The following USP43 variants were observed in gnomAD, a reference collection of about 807,000 sequenced individuals.
USP43 encodes ubiquitin specific peptidase 43.
A neutral mutation model predicts 90.7 loss-of-function variants in USP43; 33 were observed. The ratio of observed to expected loss-of-function variants is 0.36; its 90% CI spans 0.28 to 0.49. The LOEUF (loss-of-function observed/expected upper bound fraction) is 0.49. Among genes scored for constraint, USP43 ranks in the 20% least tolerant of loss-of-function variants. The pLI is 0.98. For synonymous variants in USP43, 598 were observed against 615.8 expected (o/e 0.97, Z 0.43); for missense variants, 1,274 against 1,476.4 (o/e 0.86, Z 2.25).
intron 6 of USP43, among the ~76,000 whole-genome samples, chr17:9,681,039 T>C: frequency 7.6e-6 from 1 of 131,204 alleles, no homozygotes; most frequent in East Asian, 2.2e-4. Context: ...ATCTATTACA[T>C]ATAATATATA....
chr17:9,663,186 A>T (rs779873722), intron 2 of USP43, among the ~76,000 whole-genome samples: 14 of 152,060 alleles, frequency 9.2e-5, no homozygotes, highest in Non-Finnish European at 1.9e-4. Context: ...TACTGTCATT[A>T]TCCCTTTATT....
chr17:9,662,157 G>A (rs1458073136), intron 2 of USP43, among the ~76,000 whole-genome samples: 1 of 152,094 alleles, frequency 6.6e-6, no homozygotes, highest in East Asian at 1.9e-4. Flanking sequence ...GCTTGCTTGG[G>A]TCATGGGCCT....
rs956184085 is a variant in USP43, at chr17:9,701,896, G to A, written c.2011+196G>A. ...AAGGACCTGCCCTGTAGGAGCTGGT[G>A]GGGGAGAGAGAATTCCAGTAAAATA... On this transcript the variant is annotated intron_variant, in intron 12 of 14. Transcript: ENST00000285199. This position sits in a 1 kb window ranked among gnomAD's most constrained non-coding sequence, Gnocchi z 7.2. Among the ~76,000 whole-genome samples the A allele has an allele frequency of 1.3e-5, 2 of 152,204 alleles. No individual in the cohort carries two copies. The highest frequency in any genetic ancestry group is 4.8e-5 in the African/African-American group (2 of 41,450).
intron 8 of USP43, 134 bp from the exon 9 acceptor site, chr17:9,692,993 A>G: frequency 2.7e-6 from 2 of 739,178 alleles, no homozygotes; most frequent in East Asian, 2.8e-5. Flanking sequence ...TTTGAATTCT[A>G]ATTATTACGG....
At chr17:9,680,501 G>A (rs188176008) in intron 6 of USP43, 135 bp downstream of exon 6, 19 of 1,016,042 alleles carry the variant, frequency 1.9e-5, no homozygotes, top group South Asian at 1.4e-4. Context: ...CCTGGCATTC[G>A]TTGTGTGCAG....
At chr17:9,710,665 G>A (rs544549699) in intron 13 of USP43, among the ~76,000 whole-genome samples, 29 of 151,798 alleles carry the variant, frequency 1.9e-4, no homozygotes, top group African/African-American at 6.5e-4. Flanking sequence ...CCACCACCAT[G>A]CCCAGCTAAT....
At chr17:9,658,652 C>A (rs1912428900) in intron 2 of USP43, among the ~76,000 whole-genome samples, 1 of 152,180 alleles carries the variant, frequency 6.6e-6, no homozygotes, top group Non-Finnish European at 1.5e-5. Flanking sequence ...CTTTTACTTA[C>A]CATGATTTCC....
intron 1 of USP43, among the ~76,000 whole-genome samples, chr17:9,648,029 A>T (rs1258550674): frequency 6.6e-6 from 1 of 152,200 alleles, no homozygotes; most frequent in East Asian, 1.9e-4. Flanking sequence ...TCAAAAAAGC[A>T]AAGCAAAACA....
rs376060880 is a variant in USP43 at position 9,705,753 on chromosome 17, CA to C, written c.2011+4065del. Among the ~76,000 whole-genome samples, 599 of 89,742 alleles carry C rather than the reference CA, an allele frequency of 6.7e-3. 3 individuals are homozygous for C. Among genetic ancestry groups the C allele is most frequent in the Middle Eastern group, 0.011 (2 of 180 alleles). The allele number at this position is 89,742 out of a possible 152,430, so 58.9% of individuals were successfully genotyped here. A position where few individuals can be genotyped will look rare whatever the true frequency, so the allele number is the denominator to read the frequency against. On this transcript the variant is annotated intron_variant, in intron 12 of 14. Transcript: ENST00000285199. ...TGGGTGAGAGAGTGAGACTCTGTCT[CA>C]AAAAAAAAAAACAACAACAACAGCA...
At chr17:9,721,952 G>C (rs928132363) in intron 14 of USP43, among the ~76,000 whole-genome samples, 1 of 149,982 alleles carries the variant, frequency 6.7e-6, no homozygotes, top group African/African-American at 2.5e-5. Context: ...TGTTGGCCAA[G>C]CTGGTCTCAA....
chr17:9,692,671 G>A lies in USP43; in HGVS notation c.1354-456G>A, dbSNP rs187138898. On this transcript the variant is annotated intron_variant, in intron 8 of 14. Coordinates refer to ENST00000285199, the MANE Select transcript of USP43 (RefSeq NM_153210.5). ...TAACTAAGGTGCTATCTCTTTATGTGGCTTATTTTAAAATGTATAAATATT... is the reference window on the plus strand; with the variant it reads ...TAACTAAGGTGCTATCTCTTTATGTAGCTTATTTTAAAATGTATAAATATT... 3.0e-3 allele frequency among the ~76,000 whole-genome samples: 457 copies of A among 152,102 alleles called. 1 individual carries two copies. Among genetic ancestry groups the A allele is most frequent in the South Asian group, 6.2e-3 (30 of 4,816 alleles).
At chr17:9,692,644 A>T (rs1915024959) in intron 8 of USP43, among the ~76,000 whole-genome samples, 1 of 152,264 alleles carries the variant, frequency 6.6e-6, no homozygotes, top group Admixed American at 6.5e-5. Context: ...ATCTTAGAAT[A>T]ATAACTAAGG....
rs777100018 is a variant in USP43, at chr17:9,709,606, C to T, written c.2012-350C>T. On this transcript the variant is annotated intron_variant, in intron 12 of 14. Coordinates refer to ENST00000285199, the MANE Select transcript of USP43 (RefSeq NM_153210.5). The surrounding 1 kb of genome is among the most constrained non-coding windows in gnomAD (Gnocchi z 5.0). Reference sequence around the variant, plus strand: ...TGGCAGGCAACTGTAATCCTAGCTACCCAGGAGGCTGAGGCAGGAGAATCA... The same window carrying T: ...TGGCAGGCAACTGTAATCCTAGCTATCCAGGAGGCTGAGGCAGGAGAATCA... Among the ~76,000 whole-genome samples the T allele has an allele frequency of 9.2e-5, 14 of 152,088 alleles. No individual in the cohort carries two copies. The highest frequency in any genetic ancestry group is 2.7e-4 in the African/African-American group (11 of 41,496).
intron 9 of USP43, among the ~76,000 whole-genome samples, chr17:9,695,585 A>G (rs1915210396): frequency 6.6e-6 from 1 of 152,148 alleles, no homozygotes; most frequent in African/African-American, 2.4e-5. Flanking sequence ...CACCCACCTC[A>G]GCCTCCCAAA....
At chr17:9,706,638 T>TC (rs982883989) in intron 12 of USP43, among the ~76,000 whole-genome samples, 1 of 124,946 alleles carries the variant, frequency 8.0e-6, no homozygotes, top group African/African-American at 3.6e-5. Context: ...TTAATTTTTT[T>TC]TTTTTTTTTT....
intron 13 of USP43, among the ~76,000 whole-genome samples, chr17:9,711,706 C>G (rs1288484438): frequency 6.6e-6 from 1 of 152,226 alleles, no homozygotes; most frequent in African/African-American, 2.4e-5. Context: ...GCTGGCATTA[C>G]AGGCGTGAGC....
At chr17:9,723,493 C>T (rs2152002426) in intron 14 of USP43, among the ~76,000 whole-genome samples, 1 of 145,444 alleles carries the variant, frequency 6.9e-6, no homozygotes, top group South Asian at 2.2e-4. Flanking sequence ...TAGTTTCTTG[C>T]TCTTCTCTTT....
chr17:9,689,032 C>T (rs1914768041), intron 8 of USP43, among the ~76,000 whole-genome samples: 2 of 152,218 alleles, frequency 1.3e-5, no homozygotes, highest in South Asian at 4.1e-4. Flanking sequence ...ATGGGGCCAG[C>T]AAAATACTAA....
intron 13 of USP43, 74 bp downstream of exon 13, chr17:9,710,188 A>C: frequency 7.4e-7 from 1 of 1,345,576 alleles, no homozygotes; most frequent in African/African-American, 1.5e-5. Flanking sequence ...GCTCAGTTGA[A>C]CATCGAGGAC....
Sources: gnomAD v4.1 joint callset for allele counts (sites outside exome capture counted in the v4.1 genomes callset) on GRCh38, gnomAD v4.1.1 for gene constraint, Gnocchi (gnomAD v3.1) non-coding constraint, MANE v1.5 for transcripts, NCBI Gene and HGNC (gene_info 2026-07-23, HGNC 2026-07-21) for gene names.